The following MYO1E variants were observed in gnomAD, a reference collection of about 807,000 sequenced individuals.
MYO1E encodes unconventional myosin-Ie.
A neutral mutation model predicts 151.1 loss-of-function variants in MYO1E; 68 were observed. The ratio of observed to expected loss-of-function variants is 0.45; its 90% CI spans 0.37 to 0.55. The LOEUF is 0.55. MYO1E is among the 20% of genes least tolerant of loss of function. The probability of loss-of-function intolerance (pLI) is 0.00; values close to 1 mark genes in which losing one functional copy is unlikely to be tolerated. For missense variants in MYO1E, 1,363 were observed against 1,389.3 expected (o/e 0.98, Z 0.30); for synonymous variants, 601 against 501.7 (o/e 1.20, Z -2.64).
chr15:59,284,269 G>A (rs1375040467), intron 1 of MYO1E, among the ~76,000 whole-genome samples: 1 of 152,298 alleles, frequency 6.6e-6, no homozygotes, highest in Non-Finnish European at 1.5e-5. Context: ...GCAAATAGGA[G>A]TCCTGGGCCC....
At chr15:59,275,573 G>A (rs1018995201) in intron 1 of MYO1E, among the ~76,000 whole-genome samples, 1 of 152,060 alleles carries the variant, frequency 6.6e-6, no homozygotes, top group African/African-American at 2.4e-5. Context: ...GTTTTCTAAT[G>A]GTAACTTCTG....
chr15:59,315,091 C>T (rs887347021), intron 1 of MYO1E, among the ~76,000 whole-genome samples: 3 of 152,160 alleles, frequency 2.0e-5, no homozygotes, highest in African/African-American at 4.8e-5. Context: ...CAGCTTACAG[C>T]TTCTGATGGG....
chr15:59,337,674 T>C (rs944980807), intron 1 of MYO1E, among the ~76,000 whole-genome samples: 2 of 152,106 alleles, frequency 1.3e-5, no homozygotes, highest in African/African-American at 2.4e-5. Flanking sequence ...CTACTAAAAG[T>C]ATAAAAAATT....
chr15:59,372,442 G>A lies in MYO1E; in HGVS notation c.3+56C>T, dbSNP rs1363459761. 9.8e-6 allele frequency: 15 copies of A among 1,535,914 alleles called. No homozygotes were observed. The African/African-American group carries it at 1.5e-4, about 15-fold the overall frequency. On this transcript the variant is annotated intron_variant, in intron 1 of 27. Transcript: ENST00000288235. ...GCCCAAGGTGGGTGCACCACGCCGG[G>A]GTTTCCTGCCCCGTCCCCGGGTCCG...
chr15:59,214,159 A>G, intron 12 of MYO1E, 69 bp downstream of exon 12: 11 of 1,304,952 alleles, frequency 8.4e-6, no homozygotes, highest in Non-Finnish European at 1.2e-5. Context: ...AACAAAAGAC[A>G]GAAATCTATA....
chr15:59,140,909 G>C (rs963240604), intron 26 of MYO1E, among the ~76,000 whole-genome samples: 5 of 152,150 alleles, frequency 3.3e-5, no homozygotes, highest in African/African-American at 1.2e-4. Context: ...TTTTCTCTTA[G>C]TGCAGAGGAA....
At chr15:59,244,594 C>T (rs971272048) in intron 4 of MYO1E, among the ~76,000 whole-genome samples, 1 of 152,134 alleles carries the variant, frequency 6.6e-6, no homozygotes, top group Admixed American at 6.6e-5. Context: ...GATTATTAAC[C>T]AGTTAACCTA....
At chr15:59,284,228 A>T (rs2080373889) in intron 1 of MYO1E, among the ~76,000 whole-genome samples, 1 of 152,220 alleles carries the variant, frequency 6.6e-6, no homozygotes, top group South Asian at 2.1e-4. Flanking sequence ...CTGTAGGTAC[A>T]CGGCAGCACT....
At chr15:59,227,847 A>C (rs1243295641) in intron 6 of MYO1E, among the ~76,000 whole-genome samples, 1 of 152,120 alleles carries the variant, frequency 6.6e-6, no homozygotes, top group Non-Finnish European at 1.5e-5. Flanking sequence ...TTCCTTGCTC[A>C]TTTTCCCCCA....
At chr15:59,329,736 A>G (rs1365526063) in intron 1 of MYO1E, among the ~76,000 whole-genome samples, 1 of 152,202 alleles carries the variant, frequency 6.6e-6, no homozygotes, top group Admixed American at 6.5e-5. Flanking sequence ...TAAGGTCTTT[A>G]AAAGAGCAAA....
chr15:59,169,569 T>A (rs1443270747), intron 22 of MYO1E, among the ~76,000 whole-genome samples: 1 of 152,178 alleles, frequency 6.6e-6, no homozygotes, highest in Non-Finnish European at 1.5e-5. Flanking sequence ...CACTTTCTTT[T>A]TTTTTCCTTA....
intron 2 of MYO1E, among the ~76,000 whole-genome samples, chr15:59,261,780 C>T (rs1384109868): frequency 3.3e-5 from 5 of 152,134 alleles, no homozygotes; most frequent in Non-Finnish European, 7.3e-5. Flanking sequence ...AGATGGGTGA[C>T]ACGTACAGCA....
chr15:59,257,278 A>G (rs535779046), intron 3 of MYO1E, among the ~76,000 whole-genome samples: 1 of 152,326 alleles, frequency 6.6e-6, no homozygotes, highest in Non-Finnish European at 1.5e-5. Context: ...GTTTAACCCT[A>G]GGACTTGGAG....
At chr15:59,227,710 A>C in intron 6 of MYO1E, 120 bp from the exon 7 acceptor site, 3 of 1,354,720 alleles carry the variant, frequency 2.2e-6, no homozygotes, top group Non-Finnish European at 3.1e-6. Context: ...ATTCTGAATT[A>C]CTCCTAATTT....
intron 17 of MYO1E, among the ~76,000 whole-genome samples, chr15:59,190,559 A>G (rs539280567): frequency 6.6e-6 from 1 of 152,326 alleles, no homozygotes; most frequent in South Asian, 2.1e-4. Context: ...GGACAATGCT[A>G]TGATTCCTGC....
At chr15:59,320,625 C>T (rs987534460) in intron 1 of MYO1E, among the ~76,000 whole-genome samples, 73 of 152,286 alleles carry the variant, frequency 4.8e-4, no homozygotes, top group Non-Finnish European at 8.8e-4. Flanking sequence ...GGGTGCTTGG[C>T]TAGCCATATG....
rs1324348582 is a variant in MYO1E, at chr15:59,223,123, A to T, written c.846T>A (p.Ile282=). The T allele has an allele frequency of 1.1e-5, 17 of 1,614,100 alleles. No homozygotes were observed. The highest frequency in any genetic ancestry group is 1.4e-5 in the Non-Finnish European group (16 of 1,179,982). Residue 282 remains isoleucine, a synonymous_variant, in exon 9 of 28, where the codon ATT becomes ATA. Transcript: ENST00000288235. The stretch of plus-strand genomic sequence containing the variant: ...TGAAGCTGATGTTTCCCAGGTGGAG[A>T]ATACCCGCCACTATCTGCAACACCA... The part of the protein sequence containing the change: ...QTLVLQIVAG[I]LHLGNISFKE...
chr15:59,306,134 A>G (rs760798579), intron 1 of MYO1E, among the ~76,000 whole-genome samples: 19 of 152,202 alleles, frequency 1.2e-4, no homozygotes, highest in Non-Finnish European at 2.4e-4. Context: ...AAGTTTTTCT[A>G]TGGCACCAGG....
At chr15:59,233,112 TATC>T (rs1244531517) in intron 5 of MYO1E, among the ~76,000 whole-genome samples, 7 of 151,048 alleles carry the variant, frequency 4.6e-5, no homozygotes, top group African/African-American at 9.7e-5. Context: ...TAACTCTTTC[TATC>T]TTTTTTTTTG....
Sources: gnomAD v4.1 joint callset for allele counts (sites outside exome capture counted in the v4.1 genomes callset) on GRCh38, gnomAD v4.1.1 for gene constraint, MANE v1.5 for transcripts, NCBI Gene and HGNC (gene_info 2026-07-23, HGNC 2026-07-21) for gene names.